KHDRBS3: variants seen among roughly 807,000 people sequenced by gnomAD.
KHDRBS3 encodes KH domain-containing, RNA-binding, signal transduction-associated protein 3.
A neutral mutation model predicts 45.6 loss-of-function variants in KHDRBS3; 23 were observed. The observed-to-expected ratio is 0.50, with a 90% CI of 0.36 to 0.72. The LOEUF (loss-of-function observed/expected upper bound fraction) is 0.72. Among genes scored for constraint, KHDRBS3 ranks in the 30% least tolerant of loss-of-function variants. The pLI is 0.00. For missense variants in KHDRBS3, 352 were observed against 424.8 expected, an observed-to-expected ratio of 0.83 and a Z score of 1.51; for synonymous variants, 162 against 156.5, an observed-to-expected ratio of 1.04 and a Z score of -0.26.
intron 1 of KHDRBS3, among the ~76,000 whole-genome samples, chr8:135,497,204 A>G (rs1222575596): frequency 6.6e-6 from 1 of 152,220 alleles, no homozygotes; most frequent in Non-Finnish European, 1.5e-5. Flanking sequence ...GCCCATTGGT[A>G]TCGTCCAGTT....
At chr8:135,592,722 A>G (rs1251272971) in intron 6 of KHDRBS3, among the ~76,000 whole-genome samples, 1 of 149,238 alleles carries the variant, frequency 6.7e-6, no homozygotes, top group Non-Finnish European at 1.5e-5. Flanking sequence ...AGAGATACCC[A>G]GGGAATTAGT....
chr8:135,568,697 G>A (rs775487892), intron 5 of KHDRBS3, among the ~76,000 whole-genome samples: 21 of 152,186 alleles, frequency 1.4e-4, no homozygotes, highest in Non-Finnish European at 1.2e-4. Flanking sequence ...ACTAGTGAAA[G>A]TAATAAACAT....
At chr8:135,501,074 A>T (rs1249302197) in intron 1 of KHDRBS3, among the ~76,000 whole-genome samples, 1 of 152,180 alleles carries the variant, frequency 6.6e-6, no homozygotes, top group African/African-American at 2.4e-5. Flanking sequence ...TTAAGATGGT[A>T]TATTGAAAAG....
rs569765411 is a variant in KHDRBS3, at chr8:135,647,285, A to G, written c.*201A>G. 4.7e-5 allele frequency: 18 copies of G among 381,984 alleles called. No homozygotes were observed. The allele number at this position is 381,984 out of a possible 1,614,324, so 23.7% of individuals were successfully genotyped here. On this transcript the variant is annotated 3_prime_UTR_variant, in exon 9 of 9. Coordinates refer to ENST00000355849, the MANE Select transcript of KHDRBS3 (RefSeq NM_006558.3). Reference sequence around the variant, plus strand: ...AGACATGTAAAATTTTGTTATTTCCAGTCTGTATATGAAAAAATAGGTCAT... The same window carrying G: ...AGACATGTAAAATTTTGTTATTTCCGGTCTGTATATGAAAAAATAGGTCAT...
intron 1 of KHDRBS3, among the ~76,000 whole-genome samples, chr8:135,502,386 A>G (rs886598484): frequency 5.3e-5 from 8 of 152,072 alleles, no homozygotes; most frequent in South Asian, 4.1e-4. Context: ...GCTGTTCCCT[A>G]TGCATAGGAT....
chr8:135,625,037 C>T (rs944210332), intron 7 of KHDRBS3: 5 of 500,872 alleles, frequency 1.0e-5, no homozygotes, highest in African/African-American at 5.9e-5. Context: ...AGGAGTGAAA[C>T]GTCTGCAAAA....
intron 7 of KHDRBS3, among the ~76,000 whole-genome samples, chr8:135,633,049 TCTAA>T (rs1386965646): frequency 3.1e-4 from 1 of 3,202 alleles, no homozygotes; most frequent in African/African-American, 9.3e-4. Flanking sequence ...TCTTAGCTGC[TCTAA>T]CTCTCAGTAG....
chr8:135,546,964 A>G (rs539491892), intron 3 of KHDRBS3, among the ~76,000 whole-genome samples: 35 of 152,216 alleles, frequency 2.3e-4, no homozygotes, highest in Non-Finnish European at 5.0e-4. Flanking sequence ...TGCTTGAATA[A>G]TAATGAACAA....
chr8:135,458,954 TG>T, intron 1 of KHDRBS3: 1 of 456,286 alleles, frequency 2.2e-6, no homozygotes, highest in Non-Finnish European at 4.4e-6. Flanking sequence ...CTACTTTTCC[TG>T]GAATATGTGT....
intron 1 of KHDRBS3, among the ~76,000 whole-genome samples, chr8:135,502,252 C>A (rs1291520876): frequency 1.3e-5 from 2 of 152,128 alleles, no homozygotes; most frequent in Admixed American, 6.5e-5. Flanking sequence ...GTTAAAAGTC[C>A]TTCCCAATCT....
intron 2 of KHDRBS3, among the ~76,000 whole-genome samples, chr8:135,525,174 G>A (rs1330620896): frequency 6.6e-6 from 1 of 152,222 alleles, no homozygotes; most frequent in South Asian, 2.1e-4. Flanking sequence ...TGATATTTTT[G>A]TTTTAGCAGC....
At chr8:135,632,142 A>G (rs1469713700) in intron 7 of KHDRBS3, among the ~76,000 whole-genome samples, 1 of 152,114 alleles carries the variant, frequency 6.6e-6, no homozygotes, top group Non-Finnish European at 1.5e-5. Flanking sequence ...TCTTCACTTG[A>G]TCTTCTTCTA....
At chr8:135,466,020 C>T (rs1821678733) in intron 1 of KHDRBS3, among the ~76,000 whole-genome samples, 2 of 152,080 alleles carry the variant, frequency 1.3e-5, no homozygotes, top group Non-Finnish European at 2.9e-5. Flanking sequence ...ATGTTTGTGC[C>T]GTTTGTGCTC....
chr8:135,532,551 A>G (rs979546671), intron 2 of KHDRBS3, among the ~76,000 whole-genome samples: 3 of 152,160 alleles, frequency 2.0e-5, no homozygotes, highest in East Asian at 1.9e-4. Flanking sequence ...GACTTCTGTT[A>G]TGTGTGTGTA....
intron 7 of KHDRBS3, chr8:135,625,816 T>C (rs1830332083): frequency 1.3e-6 from 1 of 769,506 alleles, no homozygotes; most frequent in African/African-American, 1.7e-5. Flanking sequence ...TTCAAGGCGG[T>C]GGAGCCAGGG....
intron 1 of KHDRBS3, among the ~76,000 whole-genome samples, chr8:135,475,500 C>T (rs953676679): frequency 1.3e-5 from 2 of 151,738 alleles, no homozygotes; most frequent in Admixed American, 6.6e-5. Context: ...TTAGTAGAGA[C>T]GAGGTTTCAC....
intron 6 of KHDRBS3, among the ~76,000 whole-genome samples, chr8:135,588,000 A>G (rs1828561024): frequency 6.6e-6 from 1 of 152,146 alleles, no homozygotes; most frequent in Non-Finnish European, 1.5e-5. Flanking sequence ...CACTGTATGT[A>G]TAGGTTGTGT....
chr8:135,553,221 C>T (rs1826701283), intron 4 of KHDRBS3, among the ~76,000 whole-genome samples: 1 of 152,152 alleles, frequency 6.6e-6, no homozygotes, highest in Non-Finnish European at 1.5e-5. Flanking sequence ...TCTCATATTT[C>T]TTACCTGAAA....
At chr8:135,542,913 C>T in intron 3 of KHDRBS3, 143 bp downstream of exon 3, 2 of 578,630 alleles carry the variant, frequency 3.5e-6, no homozygotes. Context: ...TGGTCAGCTT[C>T]AGAATATGTA....
Sources: gnomAD v4.1 joint callset for allele counts (sites outside exome capture counted in the v4.1 genomes callset) on GRCh38, gnomAD v4.1.1 for gene constraint, MANE v1.5 for transcripts, NCBI Gene and HGNC (gene_info 2026-07-23, HGNC 2026-07-21) for gene names.